Variants in CPM observed in about 807,000 individuals in gnomAD.
The protein encoded by CPM is renal carboxypeptidase.
Under a neutral mutation model 46.4 loss-of-function variants are expected in CPM, and 35 were observed. The ratio of observed to expected loss-of-function variants is 0.75; its 90% confidence interval spans 0.58 to 1.00. The LOEUF is 1.00. CPM is among the 50% of genes least tolerant of loss of function. CPM has a pLI of 0.00. For synonymous variants in CPM, 195 were observed against 195.3 expected (o/e 1.00, Z 0.01); for missense variants, 422 against 530.4 (o/e 0.80, Z 2.01).
chr12:68,853,189 GTC>G lies in CPM; in HGVS notation c.*3246_*3247del, dbSNP rs891234726. 7 of 152,128 alleles carry G rather than the reference GTC, an allele frequency of 4.6e-5. No homozygotes were observed. The highest frequency in any genetic ancestry group is 1.7e-4 in the African/African-American group (7 of 41,402). 9.4% of individuals were successfully genotyped at this position (152,128 alleles called of 1,614,324 possible). A position where few individuals can be genotyped will look rare whatever the true frequency, so the allele number is the denominator to read the frequency against. On this transcript the variant is annotated 3_prime_UTR_variant, in exon 9 of 9. Transcript: ENST00000551568. ...TGAACTAATTCAGATTTTTGTTCGT[GTC>G]TCTTCAAAAATTGCTATCTTAGAAA... is the stretch of plus-strand genomic sequence containing the variant.
chr12:68,855,013 C>A lies in CPM; in HGVS notation c.*1424G>T, dbSNP rs762514358. Reference sequence around the variant, plus strand: ...CTGGGATTACAGGCATGCACCACCACGCCCGACTAATTTTTTTTTTTTTTT... The same window carrying A: ...CTGGGATTACAGGCATGCACCACCAAGCCCGACTAATTTTTTTTTTTTTTT... On this transcript the variant is annotated 3_prime_UTR_variant, in exon 9 of 9. Transcript: ENST00000551568. 6.7e-6 allele frequency: 1 copy of A among 150,298 alleles called. No homozygotes were observed. Among genetic ancestry groups the A allele is most frequent in the African/African-American group, 2.4e-5 (1 of 40,822 alleles). 9.3% of individuals were successfully genotyped at this position (150,298 alleles called of 1,614,324 possible). A position where few individuals can be genotyped will look rare whatever the true frequency, so the allele number is the denominator to read the frequency against.
downstream of CPM, chr12:68,847,196 T>TTATATATATTTATATATA (rs1884366697): frequency 1.1e-5 from 1 of 92,080 alleles, no homozygotes; most frequent in African/African-American, 5.9e-5. Flanking sequence ...TGTGTGTACA[T>TTATATATATTTATATATA]TATATATATA....
At chr12:68,889,080 T>C (rs1011525856) in intron 2 of CPM, among the ~76,000 whole-genome samples, 2 of 152,164 alleles carry the variant, frequency 1.3e-5, no homozygotes, top group Non-Finnish European at 2.9e-5. Flanking sequence ...TCAGTCAAAC[T>C]CTTGGGGTAA....
At chr12:68,842,604 GA>G in intron 5 of CPM, 1 of 293,530 alleles carries the variant, frequency 3.4e-6, no homozygotes, top group South Asian at 4.1e-5. Context: ...ATACAGAAGT[GA>G]AATGTGGACA....
Position 68,853,328 on chromosome 12 carries a change from A to G in CPM, c.*3109T>C, listed in dbSNP as rs887688956. ...ACCAAAGTCATTTTTGCAATACTAT[A>G]TTATGTACTTTCAAGTATATAATTA... is the stretch of plus-strand genomic sequence containing the variant. On this transcript the variant is annotated 3_prime_UTR_variant, in exon 9 of 9. Transcript: ENST00000551568. 1.3e-5 allele frequency: 2 copies of G among 152,210 alleles called. No homozygotes were observed. The highest frequency in any genetic ancestry group is 4.8e-5 in the African/African-American group (2 of 41,460). 9.4% of individuals were successfully genotyped at this position (152,210 alleles called of 1,614,324 possible).
chr12:68,909,752 G>A (rs1024571605), intron 2 of CPM, among the ~76,000 whole-genome samples: 2 of 145,362 alleles, frequency 1.4e-5, no homozygotes, highest in East Asian at 2.1e-4. Flanking sequence ...ATCAAACACT[G>A]CATGTTCTCA....
intron 2 of CPM, among the ~76,000 whole-genome samples, chr12:68,889,948 A>G (rs1886586524): frequency 6.6e-6 from 1 of 152,210 alleles, no homozygotes; most frequent in African/African-American, 2.4e-5. Context: ...TCAGACTAGG[A>G]CACTTCCTGT....
chr12:68,882,023 GCT>G (rs1491113320), intron 3 of CPM, among the ~76,000 whole-genome samples: 10 of 43,296 alleles, frequency 2.3e-4, no homozygotes, highest in Non-Finnish European at 4.5e-4. Flanking sequence ...CGCCCGGCCT[GCT>G]TTTTTTTTTT....
chr12:68,859,148 A>G (rs1230909947), intron 7 of CPM, 77 bp from the exon 8 acceptor site: 1 of 754,608 alleles, frequency 1.3e-6, no homozygotes, highest in African/African-American at 1.8e-5. Flanking sequence ...ATTTAAGAAC[A>G]ATATATGCAA....
intron 2 of CPM, chr12:68,913,779 G>T (rs760091308): frequency 5.4e-6 from 3 of 555,144 alleles, no homozygotes; most frequent in Non-Finnish European, 1.0e-5. Context: ...AATCCCATGC[G>T]GAAACCCAGT....
At chr12:68,904,195 A>G (rs908108686) in intron 2 of CPM, among the ~76,000 whole-genome samples, 3 of 152,192 alleles carry the variant, frequency 2.0e-5, no homozygotes, top group Non-Finnish European at 4.4e-5. Context: ...GGTCTCTTGA[A>G]AGGAATCTAC....
At chr12:68,938,898 TAC>T (rs1888714871) in intron 1 of CPM, among the ~76,000 whole-genome samples, 1 of 144,174 alleles carries the variant, frequency 6.9e-6, no homozygotes. Flanking sequence ...TATATGTACA[TAC>T]ATATATATGT....
chr12:68,920,799 TC>T (rs1319127483), intron 2 of CPM, among the ~76,000 whole-genome samples: 3 of 150,338 alleles, frequency 2.0e-5, no homozygotes, highest in Admixed American at 6.6e-5. Context: ...CAAGTGATTC[TC>T]CCGCCTCAGA....
chr12:68,916,436 G>A (rs1033185956), intron 2 of CPM, among the ~76,000 whole-genome samples: 12 of 152,008 alleles, frequency 7.9e-5, no homozygotes, highest in African/African-American at 2.7e-4. Flanking sequence ...ATTCAATTAC[G>A]GCATTCAAAT....
downstream of CPM, chr12:68,847,436 C>G (rs1343607808): frequency 7.3e-6 from 1 of 136,304 alleles, no homozygotes; most frequent in Admixed American, 7.5e-5. Context: ...TTGTAACATC[C>G]TTTTGTATCT....
chr12:68,884,521 G>A (rs1886348206), intron 3 of CPM, among the ~76,000 whole-genome samples: 1 of 152,202 alleles, frequency 6.6e-6, no homozygotes, highest in African/African-American at 2.4e-5. Context: ...AGAACAGGAA[G>A]CTCAGCACTG....
intron 1 of CPM, among the ~76,000 whole-genome samples, chr12:68,943,001 T>A (rs114221196): frequency 0.016 from 2,399 of 152,276 alleles, 60 homozygotes; most frequent in African/African-American, 0.055. Flanking sequence ...CATCAAATGG[T>A]GTCATTTTTT....
intron 2 of CPM, among the ~76,000 whole-genome samples, chr12:68,898,346 C>T (rs1886972415): frequency 6.6e-6 from 1 of 152,094 alleles, no homozygotes; most frequent in African/African-American, 2.4e-5. Flanking sequence ...TTACTAGTTT[C>T]CCCATAAGCT....
At position 68,853,591 on chromosome 12, in the gene CPM, T is replaced by G. The variant is rs1884823489; in HGVS notation, c.*2846A>C. 6.6e-6 allele frequency: 1 copy of G among 152,222 alleles called. No individual in the cohort carries two copies. Among genetic ancestry groups the G allele is most frequent in the African/African-American group, 2.4e-5 (1 of 41,454 alleles). 9.4% of individuals were successfully genotyped at this position (152,222 alleles called of 1,614,324 possible). A position where few individuals can be genotyped will look rare whatever the true frequency, so the allele number is the denominator to read the frequency against. On this transcript the variant is annotated 3_prime_UTR_variant, in exon 9 of 9. Transcript: ENST00000551568. ...GTCGTTCTCACTCTCCATGCCAGTA[T>G]GTCTCATTTCTAGATCCCATAGAAC... is the stretch of plus-strand genomic sequence containing the variant.
Sources: allele counts gnomAD v4.1 joint callset (sites outside exome capture counted in the v4.1 genomes callset), GRCh38; gene constraint gnomAD v4.1.1; transcripts MANE v1.5; gene names NCBI Gene and HGNC (gene_info 2026-07-23, HGNC 2026-07-21).